The following MLLT3 variants were observed in gnomAD, a reference collection of about 807,000 sequenced individuals.
The protein encoded by MLLT3 is MLLT3 super elongation complex subunit.
MLLT3 carries 4 observed loss-of-function variants against 53.2 expected under a neutral mutation model. The observed-to-expected ratio is 0.08, with a 90% CI of 0.04 to 0.17. MLLT3 has a LOEUF of 0.17. Among genes scored for constraint, MLLT3 ranks in the 10% least tolerant of loss-of-function variants. The pLI, the probability that MLLT3 is intolerant of heterozygous loss-of-function variation, is 1.00. For synonymous variants in MLLT3, 283 were observed against 230.6 expected (o/e 1.23, Z -2.06); for missense variants, 569 against 684.0 (o/e 0.83, Z 1.87).
intron 2 of MLLT3, among the ~76,000 whole-genome samples, chr9:20,553,828 G>T (rs890085849): frequency 1.3e-5 from 2 of 150,852 alleles, no homozygotes; most frequent in Non-Finnish European, 3.0e-5. Flanking sequence ...AAAATAAACA[G>T]CTTTTTTTTT....
rs776753492 is a variant in MLLT3 at position 20,620,122 on chromosome 9, C to G, written c.193+532G>C. On this transcript the variant is annotated intron_variant, in intron 2 of 10. Coordinates refer to ENST00000380338, the MANE Select transcript of MLLT3 (RefSeq NM_004529.4). The surrounding 1 kb of genome is among the most constrained non-coding windows in gnomAD (Gnocchi z 6.1). ...AAAGAAAAGTCTATGGCAACTGGCA[C>G]CTGGTGCCTCATACACAGACAGGAA... 1.3e-5 allele frequency among the ~76,000 whole-genome samples: 2 copies of G among 152,028 alleles called. No homozygotes were observed. Among genetic ancestry groups the G allele is most frequent in the Admixed American group, 6.5e-5 (1 of 15,278 alleles).
At chr9:20,510,608 T>C (rs1825510002) in intron 2 of MLLT3, among the ~76,000 whole-genome samples, 1 of 61,660 alleles carries the variant, frequency 1.6e-5, no homozygotes. Flanking sequence ...CAAGACTCCA[T>C]CTCAGAAAAA....
intron 4 of MLLT3, among the ~76,000 whole-genome samples, chr9:20,424,009 T>C (rs750279355): frequency 9.9e-5 from 15 of 152,260 alleles, no homozygotes; most frequent in Admixed American, 2.6e-4. Flanking sequence ...ACTATTTACA[T>C]AGCACTTACA....
At chr9:20,520,834 G>A (rs1818038374) in intron 2 of MLLT3, among the ~76,000 whole-genome samples, 1 of 152,162 alleles carries the variant, frequency 6.6e-6, no homozygotes, top group South Asian at 2.1e-4. Flanking sequence ...TGTTAGAAGA[G>A]AATGCTGGCC....
intron 2 of MLLT3, among the ~76,000 whole-genome samples, chr9:20,467,974 G>A (rs545767794): frequency 5.6e-4 from 85 of 152,298 alleles, no homozygotes; most frequent in South Asian, 3.3e-3. Context: ...ATAACGTGGA[G>A]ACAGAGAAGT....
chr9:20,500,156 T>A (rs917449420), intron 2 of MLLT3, among the ~76,000 whole-genome samples: 2 of 152,226 alleles, frequency 1.3e-5, no homozygotes, highest in African/African-American at 4.8e-5. Context: ...TGGTTCTAGC[T>A]CAGAGTTTCT....
intron 4 of MLLT3, among the ~76,000 whole-genome samples, chr9:20,424,323 G>A (rs935219221): frequency 4.6e-5 from 7 of 152,142 alleles, no homozygotes; most frequent in African/African-American, 1.7e-4. Context: ...GAGGGCTCTT[G>A]TGATACTGAG....
chr9:20,500,070 C>G (rs1241166475), intron 2 of MLLT3, among the ~76,000 whole-genome samples: 3 of 152,200 alleles, frequency 2.0e-5, no homozygotes, highest in African/African-American at 7.2e-5. Context: ...AATAAGTCAC[C>G]ATCAAGCTTA....
At chr9:20,551,743 T>C (rs1279386527) in intron 2 of MLLT3, among the ~76,000 whole-genome samples, 2 of 152,220 alleles carry the variant, frequency 1.3e-5, no homozygotes, top group East Asian at 3.8e-4. Flanking sequence ...CCAATGATGA[T>C]ACAAACCATT....
intron 2 of MLLT3, among the ~76,000 whole-genome samples, chr9:20,558,858 T>C (rs1819129619): frequency 1.3e-5 from 2 of 152,238 alleles, no homozygotes; most frequent in African/African-American, 4.8e-5. Flanking sequence ...GGACCATGAC[T>C]ACAAACTGTT....
intron 2 of MLLT3, among the ~76,000 whole-genome samples, chr9:20,497,623 G>T (rs1825111967): frequency 6.6e-6 from 1 of 152,052 alleles, no homozygotes; most frequent in Admixed American, 6.6e-5. Flanking sequence ...CATGGTGTTG[G>T]GTATCAATAG....
chr9:20,403,808 C>A, intron 5 of MLLT3, among the ~76,000 whole-genome samples: 1 of 152,068 alleles, frequency 6.6e-6, no homozygotes, highest in East Asian at 1.9e-4. Context: ...TAGAATTGAT[C>A]AGATACTAAA....
chr9:20,514,620 G>C (rs1451742609), intron 2 of MLLT3, among the ~76,000 whole-genome samples: 2 of 152,118 alleles, frequency 1.3e-5, no homozygotes, highest in East Asian at 1.9e-4. Context: ...TCCCAGGAAA[G>C]AATGTGCCCT....
intron 2 of MLLT3, among the ~76,000 whole-genome samples, chr9:20,616,269 T>C (rs1820832171): frequency 6.6e-6 from 1 of 152,152 alleles, no homozygotes; most frequent in South Asian, 2.1e-4. Context: ...AAACCAACAT[T>C]TGAATACAAG....
intron 2 of MLLT3, among the ~76,000 whole-genome samples, chr9:20,484,408 C>T (rs1477236850): frequency 6.6e-6 from 1 of 152,144 alleles, no homozygotes; most frequent in Non-Finnish European, 1.5e-5. Flanking sequence ...TGTAGTAATG[C>T]TGTATTGGAG....
At chr9:20,584,790 C>T (rs1819906862) in intron 2 of MLLT3, among the ~76,000 whole-genome samples, 1 of 152,192 alleles carries the variant, frequency 6.6e-6, no homozygotes, top group African/African-American at 2.4e-5. Flanking sequence ...GGTGGGGGCA[C>T]AGCCAAACTG....
chr9:20,415,000 A>G (rs925958459), intron 4 of MLLT3, among the ~76,000 whole-genome samples: 1 of 152,208 alleles, frequency 6.6e-6, no homozygotes, highest in African/African-American at 2.4e-5. Flanking sequence ...TATTTGGGGA[A>G]CACCCAGCTA....
intron 2 of MLLT3, among the ~76,000 whole-genome samples, chr9:20,478,796 A>G (rs1196820705): frequency 6.6e-6 from 1 of 152,134 alleles, no homozygotes; most frequent in Non-Finnish European, 1.5e-5. Flanking sequence ...TGGATTTAGA[A>G]AAGAGGCCAT....
chr9:20,578,603 C>A (rs1344015743), intron 2 of MLLT3, among the ~76,000 whole-genome samples: 1 of 152,006 alleles, frequency 6.6e-6, no homozygotes, highest in Non-Finnish European at 1.5e-5. Context: ...ATACAGCAAC[C>A]ACCAGGCATA....
Sources: allele counts gnomAD v4.1 joint callset (sites outside exome capture counted in the v4.1 genomes callset), GRCh38; gene constraint gnomAD v4.1.1; non-coding constraint Gnocchi (gnomAD v3.1); transcripts MANE v1.5; gene names NCBI Gene and HGNC (gene_info 2026-07-23, HGNC 2026-07-21).